RANBP17: variants seen among roughly 807,000 people sequenced by gnomAD.
The protein encoded by RANBP17 is ran-binding protein 17.
RANBP17 carries 158 observed loss-of-function variants against 141.2 expected under a neutral mutation model. That is an observed-to-expected ratio of 1.12 (90% CI 0.98 to 1.28). RANBP17 has a LOEUF of 1.28. RANBP17 is among the 50% of genes most tolerant of loss of function. The probability of loss-of-function intolerance (pLI) is 0.00; values close to 1 mark genes in which losing one functional copy is unlikely to be tolerated. For synonymous variants in RANBP17, 430 were observed against 450.0 expected (o/e 0.96, Z 0.56); for missense variants, 1,438 against 1,290.7 (o/e 1.11, Z -1.75).
At chr5:170,878,310 G>C (rs561480240) in intron 2 of RANBP17, 67 bp downstream of exon 2, 4 of 1,329,682 alleles carry the variant, frequency 3.0e-6, no homozygotes, top group Non-Finnish European at 4.0e-6. Flanking sequence ...TAATGAACTC[G>C]TGTGTTAGCA....
rs369513725 is a variant in RANBP17 at position 171,244,531 on chromosome 5, C to T, written c.2776+1711C>T. 1.3e-3 allele frequency among the ~76,000 whole-genome samples: 193 copies of T among 152,296 alleles called. 9 individuals are homozygous for T. In the South Asian group the frequency reaches 0.039, roughly 30 times the overall value. On this transcript the variant is annotated intron_variant, in intron 24 of 27. Transcript: ENST00000523189. ...ATGCAATCTCATCTTACTGCAACCT[C>T]CACCTCCCAGGTTCAAGCAATTATT...
At position 170,896,054 on chromosome 5, in the gene RANBP17, C is replaced by G; in HGVS notation, c.428C>G (p.Thr143Ser). The change falls in exon 5 of 28, where the codon ACT becomes AGT. Residue 143 changes from threonine (T) to serine (S), a missense_variant. Physicochemically the swap from Thr to Ser is moderately conservative, Grantham distance 58. Coordinates refer to ENST00000523189, the MANE Select transcript of RANBP17 (RefSeq NM_022897.5). ...IADVKKFLQGTVEHCIIGVII... is the reference protein window; with the variant it reads ...IADVKKFLQGSVEHCIIGVII... ...ACTTTGTTATTTTCTCCAAAGGGTACTGTGGAACACTGCATAATAGGAGTA... is the reference window on the plus strand; with the variant it reads ...ACTTTGTTATTTTCTCCAAAGGGTAGTGTGGAACACTGCATAATAGGAGTA... The G allele has an allele frequency of 6.3e-7, 1 of 1,597,072 alleles. No homozygotes were observed. The highest frequency in any genetic ancestry group is 8.5e-7 in the Non-Finnish European group (1 of 1,171,414).
chr5:171,027,511 C>T (rs931100465), intron 14 of RANBP17, among the ~76,000 whole-genome samples: 3 of 151,932 alleles, frequency 2.0e-5, no homozygotes, highest in Non-Finnish European at 2.9e-5. Flanking sequence ...TGTTTTGCAA[C>T]GTGCCTTCAT....
At chr5:171,144,326 G>C (rs564175359) in intron 14 of RANBP17, among the ~76,000 whole-genome samples, 1 of 151,700 alleles carries the variant, frequency 6.6e-6, no homozygotes, top group Non-Finnish European at 1.5e-5. Context: ...AAATCATGCC[G>C]CTGCCCTTAC....
intron 14 of RANBP17, among the ~76,000 whole-genome samples, chr5:171,158,903 C>A (rs1190440903): frequency 6.6e-6 from 1 of 152,108 alleles, no homozygotes; most frequent in Non-Finnish European, 1.5e-5. Flanking sequence ...AAAACATTAT[C>A]CATGTTGTAA....
chr5:171,067,046 G>A (rs1375206817), intron 14 of RANBP17, among the ~76,000 whole-genome samples: 1 of 152,104 alleles, frequency 6.6e-6, no homozygotes, highest in Non-Finnish European at 1.5e-5. Context: ...GAACCACTTA[G>A]TTGTGCTATT....
At chr5:171,131,938 A>G (rs1756951366) in intron 14 of RANBP17, among the ~76,000 whole-genome samples, 1 of 152,234 alleles carries the variant, frequency 6.6e-6, no homozygotes. Flanking sequence ...AGATGCAATG[A>G]TTAAGTTGCA....
intron 24 of RANBP17, among the ~76,000 whole-genome samples, chr5:171,253,973 C>T (rs917443482): frequency 2.6e-5 from 4 of 152,100 alleles, no homozygotes; most frequent in African/African-American, 4.8e-5. Context: ...CCTGGCTAGG[C>T]GCGGTGGCTC....
chr5:171,208,669 G>A (rs909680778), intron 20 of RANBP17, among the ~76,000 whole-genome samples: 1 of 152,168 alleles, frequency 6.6e-6, no homozygotes. Flanking sequence ...ACATAGAGGA[G>A]CACAAACTTT....
chr5:170,883,324 A>G (rs965489735), intron 3 of RANBP17, among the ~76,000 whole-genome samples: 1 of 152,218 alleles, frequency 6.6e-6, no homozygotes, highest in Admixed American at 6.5e-5. Context: ...AAAATTGAGC[A>G]CAAAGTACAG....
chr5:171,014,346 T>A (rs1561988640), intron 14 of RANBP17, among the ~76,000 whole-genome samples: 1 of 152,026 alleles, frequency 6.6e-6, no homozygotes, highest in Non-Finnish European at 1.5e-5. Flanking sequence ...TATGCTTGGA[T>A]TTAATCTACT....
At chr5:171,279,513 C>G (rs565287499) in intron 25 of RANBP17, among the ~76,000 whole-genome samples, 2 of 152,272 alleles carry the variant, frequency 1.3e-5, no homozygotes, top group African/African-American at 4.8e-5. Context: ...TGGCATTAAT[C>G]CAAGCATGAA....
At position 170,963,320 on chromosome 5, in the gene RANBP17, A is replaced by G. The variant is rs373558686; in HGVS notation, c.1575-4922A>G. ...CTCCTTGTCTCACACTGTATAATCA[A>G]GATGAATCTCAGTGTATCATAGAGG... On this transcript the variant is annotated intron_variant, in intron 13 of 27. Coordinates refer to ENST00000523189, the MANE Select transcript of RANBP17 (RefSeq NM_022897.5). Among the ~76,000 whole-genome samples, 29 of 152,358 alleles carry G rather than the reference A, an allele frequency of 1.9e-4. No homozygotes were observed. In the East Asian group the frequency reaches 2.3e-3, roughly 12 times the overall value.
intron 25 of RANBP17, among the ~76,000 whole-genome samples, chr5:171,277,483 C>T (rs1403169061): frequency 6.6e-6 from 1 of 150,504 alleles, no homozygotes; most frequent in Non-Finnish European, 1.5e-5. Context: ...TTATTTCCTG[C>T]AGGGTTTCTG....
intron 25 of RANBP17, among the ~76,000 whole-genome samples, chr5:171,277,938 C>CCTTTTTTTTTTTTTTTTTTTTTT (rs1554127986): frequency 1.4e-5 from 1 of 72,266 alleles, no homozygotes; most frequent in Non-Finnish European, 2.3e-5. Context: ...GGACTTCTTT[C>CCTTTTTTTTTTTTTTTTTTTTTT]TTTTTTTTTT....
At chr5:171,048,639 A>T (rs1292966916) in intron 14 of RANBP17, among the ~76,000 whole-genome samples, 1 of 151,908 alleles carries the variant, frequency 6.6e-6, no homozygotes, top group African/African-American at 2.4e-5. Flanking sequence ...CCCATCCCCT[A>T]CCCTCCAGTA....
chr5:171,195,877 C>T (rs1436274820), intron 18 of RANBP17, among the ~76,000 whole-genome samples: 1 of 152,158 alleles, frequency 6.6e-6, no homozygotes, highest in South Asian at 2.1e-4. Context: ...TGCAACAGTA[C>T]TTTGAAAACA....
At chr5:170,866,293 A>T (rs1767252041) in intron 1 of RANBP17, among the ~76,000 whole-genome samples, 1 of 144,500 alleles carries the variant, frequency 6.9e-6, no homozygotes, top group African/African-American at 2.9e-5. Context: ...CAGGAGGTAC[A>T]AAGGAGACTA....
At chr5:170,933,905 A>G (rs1225376046) in intron 12 of RANBP17, among the ~76,000 whole-genome samples, 1 of 152,112 alleles carries the variant, frequency 6.6e-6, no homozygotes, top group African/African-American at 2.4e-5. Context: ...TTTGGGGTGG[A>G]GCGTTCTGTA....
Sources: allele counts gnomAD v4.1 joint callset (sites outside exome capture counted in the v4.1 genomes callset), GRCh38; gene constraint gnomAD v4.1.1; transcripts MANE v1.5; gene names NCBI Gene and HGNC (gene_info 2026-07-23, HGNC 2026-07-21).